MAF: variants seen among roughly 807,000 people sequenced by gnomAD.
MAF encodes the protein MAF bZIP transcription factor, also known as transcription factor Maf.
In MAF, 10 loss-of-function variants were observed where a neutral mutation model predicts 22.0. The observed-to-expected ratio is 0.45, with a 90% confidence interval of 0.28 to 0.77. The LOEUF (loss-of-function observed/expected upper bound fraction) is 0.77, where lower values mean the gene tolerates loss of function less well. Ranked by LOEUF, MAF falls within the 30% of genes least tolerant of loss-of-function variation. The pLI, the probability that MAF is intolerant of heterozygous loss-of-function variation, is 0.12. For synonymous variants in MAF, 337 were observed against 255.8 expected (o/e 1.32, Z -3.03); for missense variants, 544 against 548.4 (o/e 0.99, Z 0.08).
chr16:79,395,415 T>C, the MAF span, among the ~76,000 whole-genome samples: 1 of 152,172 alleles, frequency 6.6e-6, no homozygotes, highest in Non-Finnish European at 1.5e-5. Flanking sequence ...CCTCAGAATA[T>C]AAGCTTATTT....
intron 1 of MAF, chr16:79,597,380 C>G: frequency 9.7e-7 from 1 of 1,036,060 alleles, no homozygotes; most frequent in African/African-American, 1.7e-5. Flanking sequence ...AAAAATAAAA[C>G]AAACCAAAAA....
Position 79,599,341 on chromosome 16 carries a change from C to G in MAF, c.562G>C (p.Ala188Pro). The change falls in exon 1 of 2, where the codon GCC becomes CCC. Residue 188 changes from alanine to proline, a missense_variant. Coordinates refer to ENST00000326043, the MANE Select transcript of MAF (RefSeq NM_005360.5). ...GPHYHHHHHH[A>P]AGHHHHPTAG... ...GTCGGGTGGTGGTGGTGGCCGGCGG[C>G]GTGGTGGTGGTGGTGGTGGTAGTGC... 1.0e-6 allele frequency: 1 copy of G among 987,438 alleles called. No individual in the cohort carries two copies. The highest frequency in any genetic ancestry group is 1.8e-5 in the African/African-American group (1 of 56,640). 61.2% of individuals were successfully genotyped at this position (987,438 alleles called of 1,614,324 possible).
At chr16:79,270,229 G>C in the MAF span, among the ~76,000 whole-genome samples, 1 of 149,528 alleles carries the variant, frequency 6.7e-6, no homozygotes, top group East Asian at 1.9e-4. Context: ...CTTTAAAAAA[G>C]CATCCTAGTG....
chr16:79,298,801 C>T, the MAF span, among the ~76,000 whole-genome samples: 1 of 152,220 alleles, frequency 6.6e-6, no homozygotes, highest in South Asian at 2.1e-4. Flanking sequence ...CAGGGCCTTG[C>T]AGGCTTTGGA....
the MAF span, among the ~76,000 whole-genome samples, chr16:79,258,366 T>A: frequency 6.6e-6 from 1 of 152,152 alleles, no homozygotes; most frequent in African/African-American, 2.4e-5. Flanking sequence ...ACTTCCACAC[T>A]CTGAATCCAG....
At chr16:79,230,398 G>A in the MAF span, among the ~76,000 whole-genome samples, 1 of 152,162 alleles carries the variant, frequency 6.6e-6, no homozygotes, top group East Asian at 1.9e-4. Context: ...CATCCGCCTT[G>A]AAGGCACTGG....
the MAF span, among the ~76,000 whole-genome samples, chr16:79,507,579 C>A: frequency 6.6e-6 from 1 of 152,000 alleles, no homozygotes; most frequent in Non-Finnish European, 1.5e-5. Flanking sequence ...CGCCCACCAC[C>A]ATGCCTGGCT....
the MAF span, among the ~76,000 whole-genome samples, chr16:79,341,047 C>A: frequency 6.6e-6 from 1 of 152,122 alleles, no homozygotes; most frequent in Non-Finnish European, 1.5e-5. Flanking sequence ...ACAAAGGGAC[C>A]AAGGCCTGCA....
chr16:79,448,343 T>C, the MAF span, among the ~76,000 whole-genome samples: 9 of 151,984 alleles, frequency 5.9e-5, no homozygotes, highest in Non-Finnish European at 1.0e-4. Flanking sequence ...CCAAAAAAGA[T>C]TGTGACTTTC....
At chr16:79,429,883 T>C in the MAF span, among the ~76,000 whole-genome samples, 2 of 152,104 alleles carry the variant, frequency 1.3e-5, no homozygotes, top group Non-Finnish European at 2.9e-5. Context: ...GTCACCATAA[T>C]TTGTAGGTCT....
chr16:79,571,773 G>C, the MAF span, among the ~76,000 whole-genome samples: 2 of 152,098 alleles, frequency 1.3e-5, no homozygotes, highest in Admixed American at 1.3e-4. Flanking sequence ...CTAGATTCAC[G>C]AAGGAGCTCC....
At chr16:79,210,955 C>T in the MAF span, among the ~76,000 whole-genome samples, 1 of 151,826 alleles carries the variant, frequency 6.6e-6, no homozygotes, top group Non-Finnish European at 1.5e-5. Flanking sequence ...TCAAATATGA[C>T]ATTTAGAAAA....
the MAF span, among the ~76,000 whole-genome samples, chr16:79,337,666 G>C: frequency 1.3e-5 from 2 of 152,180 alleles, no homozygotes; most frequent in Non-Finnish European, 2.9e-5. Flanking sequence ...AAACATGATT[G>C]TTAGGGGTGA....
At chr16:79,241,328 CA>C in the MAF span, among the ~76,000 whole-genome samples, 1 of 151,976 alleles carries the variant, frequency 6.6e-6, no homozygotes, top group African/African-American at 2.4e-5. Context: ...CTGGAATAAC[CA>C]GTTTAAAGAA....
chr16:79,507,361 C>T, the MAF span, among the ~76,000 whole-genome samples: 5 of 152,040 alleles, frequency 3.3e-5, no homozygotes, highest in East Asian at 9.7e-4. Context: ...TGTGATCCGC[C>T]TGCCTTGGCC....
At chr16:79,447,065 C>T in the MAF span, among the ~76,000 whole-genome samples, 3,829 of 74,074 alleles carry the variant, frequency 0.052, 54 homozygotes, top group South Asian at 0.097. Flanking sequence ...GTTATCACTA[C>T]ATACATGAGC....
chr16:79,494,567 A>T, the MAF span, among the ~76,000 whole-genome samples: 2 of 152,160 alleles, frequency 1.3e-5, no homozygotes, highest in Admixed American at 1.3e-4. Context: ...TCCCACCTCA[A>T]GGTCTATAAC....
the MAF span, among the ~76,000 whole-genome samples, chr16:79,580,336 G>C: frequency 3.3e-5 from 5 of 152,194 alleles, no homozygotes; most frequent in African/African-American, 1.2e-4. Flanking sequence ...TCAAAGATCA[G>C]AGCAAACAGA....
At chr16:79,447,852 A>C in the MAF span, among the ~76,000 whole-genome samples, 69 of 138,600 alleles carry the variant, frequency 5.0e-4, no homozygotes, top group African/African-American at 1.8e-3. Flanking sequence ...AGCTGAGATC[A>C]CGTCACTGTA....
Sources: allele counts gnomAD v4.1 joint callset (sites outside exome capture counted in the v4.1 genomes callset), GRCh38; gene constraint gnomAD v4.1.1; transcripts MANE v1.5; gene names NCBI Gene and HGNC (gene_info 2026-07-23, HGNC 2026-07-21).